The following CPSF6 variants were observed in gnomAD, a reference collection of about 807,000 sequenced individuals.
The protein encoded by CPSF6 is cleavage and polyadenylation specificity factor subunit 6.
In CPSF6, 10 loss-of-function variants were observed where a neutral mutation model predicts 56.7. That is an observed-to-expected ratio of 0.18 (90% CI 0.11 to 0.30). The LOEUF is 0.30. CPSF6 is among the 10% of genes least tolerant of loss of function. The pLI is 1.00. For synonymous variants in CPSF6, 248 were observed against 244.8 expected, an observed-to-expected ratio of 1.01 and a Z score of -0.12; for missense variants, 419 against 722.9, an observed-to-expected ratio of 0.58 and a Z score of 4.82.
At position 69,240,867 on chromosome 12, in the gene CPSF6, A is replaced by G. The variant is rs762282780; in HGVS notation, c.60+1161A>G. ...TTTAAGGTTTGAACCTGCTGTTCGTATCTACTGCATTTTATGTAGTAACAC... is the reference window on the plus strand; with the variant it reads ...TTTAAGGTTTGAACCTGCTGTTCGTGTCTACTGCATTTTATGTAGTAACAC... On this transcript the variant is annotated intron_variant, in intron 1 of 9. Coordinates refer to ENST00000435070, the MANE Select transcript of CPSF6 (RefSeq NM_007007.3). Among the ~76,000 whole-genome samples the G allele has an allele frequency of 8.4e-4, 128 of 152,296 alleles. 1 individual carries two copies. Among genetic ancestry groups the G allele is most frequent in the Non-Finnish European group, 1.3e-3 (88 of 68,022 alleles).
intron 9 of CPSF6, among the ~76,000 whole-genome samples, chr12:69,267,218 A>G (rs1385770815): frequency 1.3e-5 from 2 of 152,054 alleles, no homozygotes; most frequent in African/African-American, 2.4e-5. Context: ...TGAATTTACC[A>G]TGAATTTAAA....
chr12:69,258,525 T>A lies in CPSF6; in HGVS notation c.695-65T>A. On this transcript the variant is annotated intron_variant, in intron 5 of 9. Coordinates refer to ENST00000435070, the MANE Select transcript of CPSF6 (RefSeq NM_007007.3). The surrounding 1 kb of genome is among the most constrained non-coding windows in gnomAD (Gnocchi z 4.2). ...ATGCGTTTAAAGTATAATCTTGGCA[T>A]ATAAAAGTTAAAATATCTTATTAGT... The A allele has an allele frequency of 1.3e-6, 2 of 1,484,024 alleles. No homozygotes were observed. The highest frequency in any genetic ancestry group is 1.3e-5 in the South Asian group (1 of 74,350). 91.9% of individuals were successfully genotyped at this position (1,484,024 alleles called of 1,614,324 possible).
Position 69,271,791 on chromosome 12 carries a change from C to T in CPSF6, c.*2283C>T, listed in dbSNP as rs981293543. ...TGCAGGCCTTGTTTTGTTCTTCATA[C>T]CCCCTTCAGTTGTTTATGGGTTAAT... On this transcript the variant is annotated 3_prime_UTR_variant, in exon 10 of 10. Coordinates refer to ENST00000435070, the MANE Select transcript of CPSF6 (RefSeq NM_007007.3). 6.6e-6 allele frequency: 1 copy of T among 151,618 alleles called. No individual in the cohort carries two copies. Among genetic ancestry groups the T allele is most frequent in the African/African-American group, 2.4e-5 (1 of 41,382 alleles). 9.4% of individuals were successfully genotyped at this position (151,618 alleles called of 1,614,324 possible). A position where few individuals can be genotyped will look rare whatever the true frequency, so the allele number is the denominator to read the frequency against.
chr12:69,250,483 G>A lies in CPSF6; in HGVS notation c.61-646G>A, dbSNP rs369531703. Among the ~76,000 whole-genome samples the A allele has an allele frequency of 2.7e-4, 41 of 150,260 alleles. No individual in the cohort carries two copies. In the East Asian group the frequency reaches 3.1e-3, roughly 11 times the overall value. On this transcript the variant is annotated intron_variant, in intron 1 of 9. Transcript: ENST00000435070. ...TTCGTTATATAGAAATTAACTTTAG[G>A]CTGGGTGCAGTGGCTCAAGCCTATA... is the stretch of plus-strand genomic sequence containing the variant.
At position 69,272,489 on chromosome 12, in the gene CPSF6, A is replaced by T. The variant is rs1013218697; in HGVS notation, c.*2981A>T. 5 of 151,754 alleles carry T rather than the reference A, an allele frequency of 3.3e-5. No homozygotes were observed. Among genetic ancestry groups the T allele is most frequent in the Non-Finnish European group, 7.4e-5 (5 of 67,674 alleles). The allele number at this position is 151,754 out of a possible 1,614,324, so 9.4% of individuals were successfully genotyped here. A position where few individuals can be genotyped will look rare whatever the true frequency, so the allele number is the denominator to read the frequency against. ...TATTTAACTGTGCCAATCTAAATAC[A>T]TACTGTTTTATACAATGAGATGCAT... On this transcript the variant is annotated 3_prime_UTR_variant, in exon 10 of 10. Coordinates refer to ENST00000435070, the MANE Select transcript of CPSF6 (RefSeq NM_007007.3).
chr12:69,252,040 A>T, intron 2 of CPSF6: 1 of 455,970 alleles, frequency 2.2e-6, no homozygotes, highest in Non-Finnish European at 4.4e-6. Flanking sequence ...CATTTCCTTA[A>T]TAACACTGTA....
At chr12:69,257,597 T>G (rs2231694) in intron 4 of CPSF6, 135 bp from the exon 5 acceptor site, 1 of 732,706 alleles carries the variant, frequency 1.4e-6, no homozygotes, top group African/African-American at 1.8e-5. Flanking sequence ...AACCATACTT[T>G]CTTATGTAGT....
rs936872761 is a variant in CPSF6 at position 69,244,396 on chromosome 12, G to C, written c.60+4690G>C. Among the ~76,000 whole-genome samples, 89 of 152,072 alleles carry C rather than the reference G, an allele frequency of 5.9e-4. 1 individual carries two copies. The highest frequency in any genetic ancestry group is 2.1e-3 in the African/African-American group (86 of 41,494). On this transcript the variant is annotated intron_variant, in intron 1 of 9. Coordinates refer to ENST00000435070, the MANE Select transcript of CPSF6 (RefSeq NM_007007.3). Reference sequence around the variant, plus strand: ...TCACCACCATGCCTGCCTAATTATTGTATTTTTAGTAAGAGACGAGGTTTC... The same window carrying C: ...TCACCACCATGCCTGCCTAATTATTCTATTTTTAGTAAGAGACGAGGTTTC...
chr12:69,265,016 A>G (rs1193196280), intron 9 of CPSF6, among the ~76,000 whole-genome samples: 2 of 152,278 alleles, frequency 1.3e-5, no homozygotes, highest in African/African-American at 4.8e-5. Flanking sequence ...CTAAAAGGGC[A>G]AGTTCTTAAC....
Position 69,264,955 on chromosome 12 carries a change from G to A in CPSF6, c.*3+2393G>A, listed in dbSNP as rs144387174. On this transcript the variant is annotated intron_variant, in intron 9 of 9. Coordinates refer to ENST00000435070, the MANE Select transcript of CPSF6 (RefSeq NM_007007.3). Reference sequence around the variant, plus strand: ...AGCTAAAGTGAATGTCACTAGTAAGGCTGTATACAAATAAAATACTAATGT... The same window carrying A: ...AGCTAAAGTGAATGTCACTAGTAAGACTGTATACAAATAAAATACTAATGT... 2.0e-5 allele frequency among the ~76,000 whole-genome samples: 3 copies of A among 152,218 alleles called. No individual in the cohort carries two copies. In the East Asian group the frequency reaches 5.8e-4, roughly 29 times the overall value.
At position 69,258,906 on chromosome 12, in the gene CPSF6, A is replaced by G. The variant is rs772427672; in HGVS notation, c.1011A>G (p.Leu337=). ...GTCCACTTGGGCCACCCCTTACACT[A>G]GCTCCTCCTCCGCATCTTCCTGGAC... ...PPGPLGPPLT[L]APPPHLPGPP... Residue 337 remains leucine (L), a synonymous_variant, in exon 6 of 10, where the codon CTA becomes CTG. Transcript: ENST00000435070. The surrounding 1 kb of genome is among the most constrained non-coding windows in gnomAD (Gnocchi z 4.2). 2.5e-6 allele frequency: 4 copies of G among 1,613,766 alleles called. No homozygotes were observed. The highest frequency in any genetic ancestry group is 1.3e-5 in the African/African-American group (1 of 74,810).
At chr12:69,241,081 T>C (rs1269560578) in intron 1 of CPSF6, among the ~76,000 whole-genome samples, 2 of 152,228 alleles carry the variant, frequency 1.3e-5, no homozygotes, top group Admixed American at 1.3e-4. Flanking sequence ...AAGAGATCTT[T>C]ACTGTTTTAT....
rs1199753017 is a variant in CPSF6 at position 69,270,672 on chromosome 12, A to G, written c.*1164A>G. On this transcript the variant is annotated 3_prime_UTR_variant, in exon 10 of 10. Transcript: ENST00000435070. ...GCACAGTTTAAGGAATACTATGTATATTCATGCACCGTATTGATTCATGCT... is the reference window on the plus strand; with the variant it reads ...GCACAGTTTAAGGAATACTATGTATGTTCATGCACCGTATTGATTCATGCT... 2 of 151,676 alleles carry G rather than the reference A, an allele frequency of 1.3e-5. No individual in the cohort carries two copies. The highest frequency in any genetic ancestry group is 3.0e-5 in the Non-Finnish European group (2 of 67,668). The allele number at this position is 151,676 out of a possible 1,614,324, so 9.4% of individuals were successfully genotyped here. A position where few individuals can be genotyped will look rare whatever the true frequency, so the allele number is the denominator to read the frequency against.
In CPSF6 at chr12:69,273,612, C is replaced by T. The variant is rs1192285335; in HGVS notation, c.*4104C>T. Reference sequence around the variant, plus strand: ...AAACATTTTGTTTTGAAAGTGTGTTCTTTTTGTCGCACTGTTACTGCGTAA... The same window carrying T: ...AAACATTTTGTTTTGAAAGTGTGTTTTTTTTGTCGCACTGTTACTGCGTAA... On this transcript the variant is annotated 3_prime_UTR_variant, in exon 10 of 10. Coordinates refer to ENST00000435070, the MANE Select transcript of CPSF6 (RefSeq NM_007007.3). 1 of 151,948 alleles carries T rather than the reference C, an allele frequency of 6.6e-6. No individual in the cohort carries two copies. Among genetic ancestry groups the T allele is most frequent in the Non-Finnish European group, 1.5e-5 (1 of 67,882 alleles). 9.4% of individuals were successfully genotyped at this position (151,948 alleles called of 1,614,324 possible). A position where few individuals can be genotyped will look rare whatever the true frequency, so the allele number is the denominator to read the frequency against.
rs1432826254 is a variant in CPSF6 at position 69,272,304 on chromosome 12, T to C, written c.*2796T>C. ...TACACAGATAACTTGTAGCTTAAGA[T>C]ACTATTTTCATTTAATTCTCCTGTG... On this transcript the variant is annotated 3_prime_UTR_variant, in exon 10 of 10. Coordinates refer to ENST00000435070, the MANE Select transcript of CPSF6 (RefSeq NM_007007.3). 14 of 151,712 alleles carry C rather than the reference T, an allele frequency of 9.2e-5. No homozygotes were observed. Among genetic ancestry groups the C allele is most frequent in the Admixed American group, 8.5e-4 (13 of 15,232 alleles). The allele number at this position is 151,712 out of a possible 1,614,324, so 9.4% of individuals were successfully genotyped here.
chr12:69,241,567 T>G (rs932777031), intron 1 of CPSF6, among the ~76,000 whole-genome samples: 4 of 152,214 alleles, frequency 2.6e-5, no homozygotes, highest in African/African-American at 9.6e-5. Context: ...ATTTTTAGGC[T>G]TTTGCATACT....
At chr12:69,251,941 A>G (rs1221585133) in intron 2 of CPSF6, 3 of 439,304 alleles carry the variant, frequency 6.8e-6, no homozygotes, top group Non-Finnish European at 1.4e-5. Flanking sequence ...AAATAGTCCT[A>G]TAGAATGTTT....
At chr12:69,269,424 C>T (rs1382791664) in intron 9 of CPSF6, 88 bp from the exon 10 acceptor site, 28 of 421,432 alleles carry the variant, frequency 6.6e-5, no homozygotes, top group South Asian at 1.2e-4. Context: ...AGTAGATGCA[C>T]GACTTGTGTA....
rs571577215 is a variant in CPSF6 at position 69,258,542 on chromosome 12, C to T, written c.695-48C>T. On this transcript the variant is annotated intron_variant, in intron 5 of 9. Transcript: ENST00000435070. This position sits in a 1 kb window ranked among gnomAD's most constrained non-coding sequence, Gnocchi z 4.2. Reference sequence around the variant, plus strand: ...TCTTGGCATATAAAAGTTAAAATATCTTATTAGTGAAGTGTTTTTTTTTCT... The same window carrying T: ...TCTTGGCATATAAAAGTTAAAATATTTTATTAGTGAAGTGTTTTTTTTTCT... 5.5e-5 allele frequency: 82 copies of T among 1,504,386 alleles called. No individual in the cohort carries two copies. Among genetic ancestry groups the T allele is most frequent in the Non-Finnish European group, 7.1e-5 (81 of 1,133,932 alleles). The allele number at this position is 1,504,386 out of a possible 1,614,324, so 93.2% of individuals were successfully genotyped here. A position where few individuals can be genotyped will look rare whatever the true frequency, so the allele number is the denominator to read the frequency against.
Sources: allele counts gnomAD v4.1 joint callset (sites outside exome capture counted in the v4.1 genomes callset), GRCh38; gene constraint gnomAD v4.1.1; non-coding constraint Gnocchi (gnomAD v3.1); transcripts MANE v1.5; gene names NCBI Gene and HGNC (gene_info 2026-07-23, HGNC 2026-07-21).